ERBB4: variants seen among roughly 807,000 people sequenced by gnomAD.
The protein encoded by ERBB4 is receptor tyrosine-protein kinase erbB-4.
Under a neutral mutation model 158.0 loss-of-function variants are expected in ERBB4, and 42 were observed. That is an observed-to-expected ratio of 0.27 (90% CI 0.21 to 0.34). ERBB4 has a LOEUF of 0.34. ERBB4 is among the 10% of genes least tolerant of loss of function. The pLI, the probability that ERBB4 is intolerant of heterozygous loss-of-function variation, is 1.00. For synonymous variants in ERBB4, 583 were observed against 558.7 expected (o/e 1.04, Z -0.61); for missense variants, 1,333 against 1,624.1 (o/e 0.82, Z 3.08).
At chr2:212,530,115 G>A (rs1481822559) in intron 1 of ERBB4, among the ~76,000 whole-genome samples, 1 of 152,136 alleles carries the variant, frequency 6.6e-6, no homozygotes, top group East Asian at 1.9e-4. Context: ...GACAGTGACA[G>A]GAAGGAGATT....
At chr2:212,169,576 A>T (rs2081451889) in intron 1 of ERBB4, among the ~76,000 whole-genome samples, 1 of 152,200 alleles carries the variant, frequency 6.6e-6, no homozygotes, top group South Asian at 2.1e-4. Flanking sequence ...AAACTTAGGC[A>T]ATACCATTCA....
At chr2:211,917,510 T>C (rs2079730468) in intron 3 of ERBB4, among the ~76,000 whole-genome samples, 1 of 152,182 alleles carries the variant, frequency 6.6e-6, no homozygotes, top group Non-Finnish European at 1.5e-5. Context: ...TTAAGCAGTT[T>C]GTTCAATGCC....
At chr2:211,774,970 G>A (rs1308882348) in intron 4 of ERBB4, among the ~76,000 whole-genome samples, 11 of 152,118 alleles carry the variant, frequency 7.2e-5, no homozygotes, top group South Asian at 4.1e-4. Context: ...AAGATAGTTC[G>A]ATGTTGAACT....
intron 1 of ERBB4, among the ~76,000 whole-genome samples, chr2:212,285,131 T>G (rs913823449): frequency 4.6e-5 from 7 of 152,148 alleles, no homozygotes; most frequent in African/African-American, 7.2e-5. Flanking sequence ...CTCAATCAGA[T>G]TAGTGCCAGG....
intron 1 of ERBB4, among the ~76,000 whole-genome samples, chr2:212,518,238 G>A (rs1297407602): frequency 3.3e-5 from 5 of 151,954 alleles, no homozygotes; most frequent in Non-Finnish European, 7.4e-5. Flanking sequence ...AGTTTTCAAG[G>A]GACATAGTTT....
intron 1 of ERBB4, among the ~76,000 whole-genome samples, chr2:212,143,106 G>A (rs764791208): frequency 6.6e-6 from 1 of 151,982 alleles, no homozygotes; most frequent in Non-Finnish European, 1.5e-5. Context: ...CATATTTCAA[G>A]TCATATTTTA....
At position 211,533,333 on chromosome 2, in the gene ERBB4, T is replaced by C. The variant is rs564737473; in HGVS notation, c.2487+28570A>G. ...TAATTTTACAATTCCTCCTGTTGTATCCCTGCTCAGTTGTCACTTTCAAAT... is the reference window on the plus strand; with the variant it reads ...TAATTTTACAATTCCTCCTGTTGTACCCCTGCTCAGTTGTCACTTTCAAAT... On this transcript the variant is annotated intron_variant, in intron 20 of 27. Coordinates refer to ENST00000342788, the MANE Select transcript of ERBB4 (RefSeq NM_005235.3). Among the ~76,000 whole-genome samples the C allele has an allele frequency of 2.6e-5, 4 of 152,170 alleles. No individual in the cohort carries two copies. The South Asian group carries it at 8.3e-4, about 32-fold the overall frequency.
intron 4 of ERBB4, among the ~76,000 whole-genome samples, chr2:211,763,915 A>ACACACACACACACAC (rs1553627666): frequency 5.5e-5 from 2 of 36,210 alleles, no homozygotes; most frequent in South Asian, 1.8e-3. Context: ...CACACACACA[A>ACACACACACACACAC]ATATATGTAT....
chr2:211,545,413 T>G (rs948035987), intron 20 of ERBB4, among the ~76,000 whole-genome samples: 2 of 152,048 alleles, frequency 1.3e-5, no homozygotes, highest in Non-Finnish European at 2.9e-5. Flanking sequence ...AGACTATTAT[T>G]TTATTTAGCA....
At chr2:211,897,363 C>T (rs2079123787) in intron 3 of ERBB4, among the ~76,000 whole-genome samples, 2 of 149,556 alleles carry the variant, frequency 1.3e-5, no homozygotes, top group East Asian at 3.9e-4. Context: ...ATAAATTAAG[C>T]AATAGTGTTT....
At chr2:211,692,259 T>C (rs1249007838) in intron 12 of ERBB4, among the ~76,000 whole-genome samples, 1 of 152,190 alleles carries the variant, frequency 6.6e-6, no homozygotes, top group Non-Finnish European at 1.5e-5. Context: ...TGAGCCCTAG[T>C]GATGTTGTTC....
At chr2:212,443,746 A>G (rs777228379) in intron 1 of ERBB4, among the ~76,000 whole-genome samples, 2 of 152,198 alleles carry the variant, frequency 1.3e-5, no homozygotes, top group Non-Finnish European at 2.9e-5. Context: ...TGCTGTATGA[A>G]GCCTTTGGCA....
chr2:211,969,692 T>C (rs2081398781), intron 2 of ERBB4, among the ~76,000 whole-genome samples: 2 of 152,082 alleles, frequency 1.3e-5, no homozygotes. Context: ...ATTTTTTATT[T>C]GCATTTTAAA....
chr2:211,860,678 CT>C (rs35708276), intron 3 of ERBB4, among the ~76,000 whole-genome samples: 31,884 of 151,194 alleles, frequency 0.21, 3,504 homozygotes, highest in South Asian at 0.32. Context: ...CATATAAATA[CT>C]TAGTGCTATG....
chr2:212,028,329 TA>T (rs1559346889), intron 2 of ERBB4, among the ~76,000 whole-genome samples: 1 of 152,100 alleles, frequency 6.6e-6, no homozygotes, highest in Non-Finnish European at 1.5e-5. Flanking sequence ...CACTATATTT[TA>T]AAAAAATCAA....
intron 12 of ERBB4, among the ~76,000 whole-genome samples, chr2:211,701,542 G>T (rs2073240367): frequency 6.6e-6 from 1 of 151,774 alleles, no homozygotes; most frequent in Admixed American, 6.6e-5. Context: ...GGATCACGAG[G>T]TCAGGAAATC....
chr2:211,483,068 AAC>A (rs2065124570), intron 20 of ERBB4, among the ~76,000 whole-genome samples: 1 of 152,132 alleles, frequency 6.6e-6, no homozygotes. Context: ...ATGAAGCCAA[AAC>A]ACAGGGATAA....
chr2:211,469,580 GA>G (rs1431794240), intron 20 of ERBB4, among the ~76,000 whole-genome samples: 1 of 152,162 alleles, frequency 6.6e-6, no homozygotes, highest in East Asian at 1.9e-4. Flanking sequence ...TATAATGACA[GA>G]AGAATTTTGG....
chr2:211,498,210 T>C (rs950519232), intron 20 of ERBB4, among the ~76,000 whole-genome samples: 5 of 152,054 alleles, frequency 3.3e-5, no homozygotes, highest in African/African-American at 9.7e-5. Flanking sequence ...CCTAGGAACT[T>C]CTATAACTAT....
Sources: allele counts gnomAD v4.1 joint callset (sites outside exome capture counted in the v4.1 genomes callset), GRCh38; gene constraint gnomAD v4.1.1; transcripts MANE v1.5; gene names NCBI Gene and HGNC (gene_info 2026-07-23, HGNC 2026-07-21).